DUSP14: variants seen among roughly 807,000 people sequenced by gnomAD.
The protein encoded by DUSP14 is dual specificity protein phosphatase 14.
Under a neutral mutation model 13.2 loss-of-function variants are expected in DUSP14, and 5 were observed. The observed-to-expected ratio is 0.38, with a 90% CI of 0.20 to 0.80. DUSP14 has a LOEUF of 0.80. Ranked by LOEUF, DUSP14 falls within the 30% of genes least tolerant of loss-of-function variation. The pLI is 0.44. For missense variants in DUSP14, 185 were observed against 264.0 expected, an observed-to-expected ratio of 0.70 and a Z score of 2.07; for synonymous variants, 91 against 103.4, an observed-to-expected ratio of 0.88 and a Z score of 0.73.
chr17:37,506,690 T>G (rs2054140238), intron 1 of DUSP14, among the ~76,000 whole-genome samples: 1 of 152,168 alleles, frequency 6.6e-6, no homozygotes, highest in Non-Finnish European at 1.5e-5. Flanking sequence ...TTTTTTACCA[T>G]CCAGTTCTAC....
chr17:37,503,228 C>G (rs928691488), intron 1 of DUSP14, among the ~76,000 whole-genome samples: 1 of 152,136 alleles, frequency 6.6e-6, no homozygotes, highest in Non-Finnish European at 1.5e-5. Flanking sequence ...AGTTTGAGAC[C>G]AGCGTGGGCA....
At chr17:37,508,551 T>C (rs984758649) in intron 1 of DUSP14, among the ~76,000 whole-genome samples, 21 of 152,008 alleles carry the variant, frequency 1.4e-4, no homozygotes, top group African/African-American at 4.8e-4. Flanking sequence ...CTGGCCAATG[T>C]GGCAAAACTC....
Position 37,512,353 on chromosome 17 carries a change from T to C in DUSP14, c.81T>C (p.Ile27=). 6.2e-7 allele frequency: 1 copy of C among 1,614,072 alleles called. No individual in the cohort carries two copies. Among genetic ancestry groups the C allele is most frequent in the African/African-American group, 1.3e-5 (1 of 75,040 alleles). Residue 27 remains isoleucine, a synonymous_variant, in exon 3 of 3, where the codon ATT becomes ATC. Transcript: ENST00000617516. The surrounding 1 kb of genome is among the most constrained non-coding windows in gnomAD (Gnocchi z 4.8). ...RMISEGDIGG[I]AQITSSLFLG... ...TTTCCGAGGGAGACATAGGAGGCATTGCTCAAATCACCTCCTCTCTATTCC... is the reference window on the plus strand; with the variant it reads ...TTTCCGAGGGAGACATAGGAGGCATCGCTCAAATCACCTCCTCTCTATTCC...
Position 37,513,183 on chromosome 17 carries a change from C to T in DUSP14, c.*314C>T, listed in dbSNP as rs968251552. Reference sequence around the variant, plus strand: ...TCTTCTGAATCTCATGCCTTTGGCACCTTGGTAGGTGCAGGAGGAGCTCAG... The same window carrying T: ...TCTTCTGAATCTCATGCCTTTGGCATCTTGGTAGGTGCAGGAGGAGCTCAG... On this transcript the variant is annotated 3_prime_UTR_variant, in exon 3 of 3. Transcript: ENST00000617516. 5.8e-6 allele frequency: 2 copies of T among 346,420 alleles called. No individual in the cohort carries two copies. The highest frequency in any genetic ancestry group is 5.5e-6 in the Non-Finnish European group (1 of 181,302). 21.5% of individuals were successfully genotyped at this position (346,420 alleles called of 1,614,324 possible).
At chr17:37,508,508 T>A (rs918892897) in intron 1 of DUSP14, among the ~76,000 whole-genome samples, 1 of 151,818 alleles carries the variant, frequency 6.6e-6, no homozygotes, top group Non-Finnish European at 1.5e-5. Flanking sequence ...CCAAGGTGGG[T>A]GGATCACTTG....
intron 1 of DUSP14, among the ~76,000 whole-genome samples, chr17:37,499,401 A>G (rs2054090444): frequency 1.3e-5 from 2 of 152,164 alleles, no homozygotes; most frequent in African/African-American, 2.4e-5. Context: ...GTACAGTGGC[A>G]TGATCCTGGC....
At chr17:37,511,567 T>C (rs911998878) in intron 2 of DUSP14, among the ~76,000 whole-genome samples, 10 of 146,528 alleles carry the variant, frequency 6.8e-5, no homozygotes, top group African/African-American at 2.0e-4. Context: ...AGGCATGAGC[T>C]ACCTCACCTG....
chr17:37,498,338 T>TC (rs1217011479), intron 1 of DUSP14, among the ~76,000 whole-genome samples: 17 of 94,188 alleles, frequency 1.8e-4, no homozygotes, highest in African/African-American at 7.6e-4. Context: ...TTTTTTTTTT[T>TC]TTTTTTGAGA....
At chr17:37,504,511 A>G (rs1169833909) in intron 1 of DUSP14, among the ~76,000 whole-genome samples, 1 of 152,228 alleles carries the variant, frequency 6.6e-6, no homozygotes, top group Non-Finnish European at 1.5e-5. Context: ...CAAAGTAAGT[A>G]GAAGATGTTG....
In DUSP14 at chr17:37,512,939, ACT is replaced by A. The variant is rs1168112785; in HGVS notation, c.*75_*76del. The A allele has an allele frequency of 1.3e-5, 17 of 1,294,672 alleles. No homozygotes were observed. The highest frequency in any genetic ancestry group is 3.0e-5 in the African/African-American group (2 of 66,816). 80.2% of individuals were successfully genotyped at this position (1,294,672 alleles called of 1,614,324 possible). On this transcript the variant is annotated 3_prime_UTR_variant, in exon 3 of 3. Transcript: ENST00000617516. The surrounding 1 kb of genome is among the most constrained non-coding windows in gnomAD (Gnocchi z 4.8). Reference sequence around the variant, plus strand: ...GCTCCCCGCCGTCTGCTCCCTCTCCACTCTCTTCTCAAATGGCTGACTTCTGG... The same window carrying A: ...GCTCCCCGCCGTCTGCTCCCTCTCCACTCTTCTCAAATGGCTGACTTCTGG...
intron 1 of DUSP14, among the ~76,000 whole-genome samples, chr17:37,502,931 C>T (rs982988264): frequency 2.0e-5 from 3 of 152,102 alleles, no homozygotes; most frequent in Non-Finnish European, 2.9e-5. Flanking sequence ...AGTGCAGTGG[C>T]GCCATCGTAG....
At chr17:37,508,022 G>A (rs1452796658) in intron 1 of DUSP14, among the ~76,000 whole-genome samples, 1 of 152,222 alleles carries the variant, frequency 6.6e-6, no homozygotes, top group Non-Finnish European at 1.5e-5. Flanking sequence ...TTATGTGACT[G>A]CGTCCTTGTT....
At chr17:37,511,053 A>G (rs927522322) in intron 2 of DUSP14, among the ~76,000 whole-genome samples, 12 of 152,014 alleles carry the variant, frequency 7.9e-5, no homozygotes, top group African/African-American at 2.7e-4. Context: ...CAAACACTGG[A>G]ATAATGAGAG....
chr17:37,513,155 C>G lies in DUSP14; in HGVS notation c.*286C>G, dbSNP rs1020239619. On this transcript the variant is annotated 3_prime_UTR_variant, in exon 3 of 3. Transcript: ENST00000617516. ...TGAACAGTTTAATAAACTGGTTCTG[C>G]TCTCTTCTGAATCTCATGCCTTTGG... 2 of 426,370 alleles carry G rather than the reference C, an allele frequency of 4.7e-6. No individual in the cohort carries two copies. The highest frequency in any genetic ancestry group is 2.0e-5 in the African/African-American group (1 of 49,744). The allele number at this position is 426,370 out of a possible 1,614,324, so 26.4% of individuals were successfully genotyped here.
intron 2 of DUSP14, among the ~76,000 whole-genome samples, chr17:37,511,585 CTTTTTT>C (rs533256343): frequency 8.0e-5 from 7 of 87,312 alleles, no homozygotes; most frequent in South Asian, 8.4e-4. Context: ...CTGGCCTTTC[CTTTTTT>C]TTTTTTTTTT....
At chr17:37,491,442 C>G (rs1159215575) in intron 1 of DUSP14, 1 of 152,168 alleles carries the variant, frequency 6.6e-6, no homozygotes, top group African/African-American at 2.4e-5. Flanking sequence ...CACATGGGCC[C>G]TATTCCTGCC....
chr17:37,494,158 T>G (rs889934630), intron 1 of DUSP14, among the ~76,000 whole-genome samples: 2 of 152,032 alleles, frequency 1.3e-5, no homozygotes, highest in Non-Finnish European at 2.9e-5. Flanking sequence ...CATGCCCGGC[T>G]AATTTTTTGT....
chr17:37,505,744 C>T (rs557415521), intron 1 of DUSP14, among the ~76,000 whole-genome samples: 161 of 151,390 alleles, frequency 1.1e-3, no homozygotes, highest in African/African-American at 3.7e-3. Flanking sequence ...TGTCAGGTAC[C>T]ACTGCTCCAG....
intron 1 of DUSP14, among the ~76,000 whole-genome samples, chr17:37,504,784 T>C (rs535002206): frequency 1.3e-5 from 2 of 152,296 alleles, no homozygotes; most frequent in East Asian, 3.9e-4. Flanking sequence ...TCTCATTACG[T>C]TGCCCCGGCT....
Sources: allele counts gnomAD v4.1 joint callset (sites outside exome capture counted in the v4.1 genomes callset), GRCh38; gene constraint gnomAD v4.1.1; non-coding constraint Gnocchi (gnomAD v3.1); transcripts MANE v1.5; gene names NCBI Gene and HGNC (gene_info 2026-07-23, HGNC 2026-07-21).